The following HTR4 variants were observed in gnomAD, a reference collection of about 807,000 sequenced individuals.
The protein encoded by HTR4 is 5-hydroxytryptamine receptor 4.
A neutral mutation model predicts 36.8 loss-of-function variants in HTR4; 16 were observed. That is an observed-to-expected ratio of 0.43 (90% confidence interval 0.29 to 0.66). The LOEUF (loss-of-function observed/expected upper bound fraction) is 0.66, where lower values mean the gene tolerates loss of function less well. Ranked by LOEUF, HTR4 falls within the 30% of genes least tolerant of loss-of-function variation. The pLI is 0.13. For synonymous variants in HTR4, 189 were observed against 185.1 expected (o/e 1.02, Z -0.17); for missense variants, 438 against 490.9 (o/e 0.89, Z 1.02).
intron 6 of HTR4, among the ~76,000 whole-genome samples, chr5:148,498,383 G>A (rs1756780624): frequency 6.6e-6 from 1 of 151,946 alleles, no homozygotes; most frequent in Non-Finnish European, 1.5e-5. Context: ...AGGATCTCAG[G>A]GAAGATTTAA....
intron 5 of HTR4, among the ~76,000 whole-genome samples, chr5:148,453,975 G>C (rs1378623643): frequency 5.3e-5 from 8 of 152,294 alleles, no homozygotes; most frequent in Middle Eastern, 3.4e-3. Context: ...GCCATTGTCT[G>C]ATGTATTTAA....
intron 2 of HTR4, among the ~76,000 whole-genome samples, chr5:148,615,279 C>A (rs1209357240): frequency 1.3e-5 from 2 of 151,980 alleles, no homozygotes; most frequent in African/African-American, 4.8e-5. Flanking sequence ...TGGAACCAAC[C>A]CAAATGTCCA....
intron 2 of HTR4, 45 bp from the exon 3 acceptor site, chr5:148,550,307 A>C: frequency 6.2e-7 from 1 of 1,607,338 alleles, no homozygotes; most frequent in African/African-American, 1.3e-5. Context: ...AAACTCTGGG[A>C]CACAAGAAGG....
At chr5:148,621,646 C>T (rs1012728056) in intron 2 of HTR4, among the ~76,000 whole-genome samples, 1 of 152,148 alleles carries the variant, frequency 6.6e-6, no homozygotes, top group Non-Finnish European at 1.5e-5. Context: ...TTTAGTTTAT[C>T]TTGCTTAAAA....
chr5:148,468,788 G>A (rs1324885082), intron 5 of HTR4, among the ~76,000 whole-genome samples: 1 of 152,242 alleles, frequency 6.6e-6, no homozygotes, highest in Non-Finnish European at 1.5e-5. Flanking sequence ...ATCCCCATGT[G>A]TCGTGGGAGG....
intron 1 of HTR4, chr5:148,644,605 G>A (rs1168256788): frequency 6.6e-6 from 1 of 152,042 alleles, no homozygotes; most frequent in African/African-American, 2.4e-5. Flanking sequence ...TAAGATGTGT[G>A]TTATTAAGAC....
At position 148,534,575 on chromosome 5, in the gene HTR4, C is replaced by T. The variant is rs141033992; in HGVS notation, c.354-11229G>A. Among the ~76,000 whole-genome samples, 793 of 152,240 alleles carry T rather than the reference C, an allele frequency of 5.2e-3. 2 individuals carry two copies. The highest frequency in any genetic ancestry group is 8.4e-3 in the Non-Finnish European group (571 of 68,014). ...TGCCACTGCTTCTGCAGTGGAACTGCCCTTGCTACCCTTGGACTAATGAAG... is the reference window on the plus strand; with the variant it reads ...TGCCACTGCTTCTGCAGTGGAACTGTCCTTGCTACCCTTGGACTAATGAAG... On this transcript the variant is annotated intron_variant, in intron 4 of 6. Transcript: ENST00000377888.
chr5:148,464,104 C>A lies in HTR4; in HGVS notation c.1077-12832G>T, dbSNP rs183950506. On this transcript the variant is annotated intron_variant, in intron 5 of 5. Transcript: ENST00000521530. ...GCAGAAAAATTAACTCAAAATGCAT[C>A]ATAGAGCTAAATATAAAATAAAAAC... Among the ~76,000 whole-genome samples the A allele has an allele frequency of 2.7e-5, 4 of 148,032 alleles. No individual in the cohort carries two copies. In the East Asian group the frequency reaches 7.9e-4, roughly 29 times the overall value.
At chr5:148,468,972 C>T (rs180700651) in intron 5 of HTR4, among the ~76,000 whole-genome samples, 122 of 152,130 alleles carry the variant, frequency 8.0e-4, no homozygotes, top group African/African-American at 2.5e-3. Context: ...CTTCCCGTTC[C>T]GCCGTGATTG....
At chr5:148,468,428 T>C (rs1164510315) in intron 5 of HTR4, among the ~76,000 whole-genome samples, 2 of 152,122 alleles carry the variant, frequency 1.3e-5, no homozygotes, top group Non-Finnish European at 2.9e-5. Context: ...AAATATTGAG[T>C]TATAAGACCT....
At chr5:148,588,740 C>T (rs77299061) in intron 2 of HTR4, among the ~76,000 whole-genome samples, 2 of 150,892 alleles carry the variant, frequency 1.3e-5, no homozygotes, top group East Asian at 1.9e-4. Context: ...CGGGGTTTCA[C>T]CTTGTTAGCC....
Position 148,654,173 on chromosome 5 carries a change from T to G in HTR4, c.-159A>C. ...TGCCGCTGCGCTCCCAGCCGCTGCC[T>G]GCGCCCTCCCTGCCGCCCCCTCGGG... On this transcript the variant is annotated 5_prime_UTR_variant, in exon 1 of 7. Coordinates refer to ENST00000377888, the MANE Select transcript of HTR4 (RefSeq NM_000870.7). 1 of 985,566 alleles carries G rather than the reference T, an allele frequency of 1.0e-6. No homozygotes were observed. The highest frequency in any genetic ancestry group is 1.2e-6 in the Non-Finnish European group (1 of 830,008). The allele number at this position is 985,566 out of a possible 1,614,324, so 61.1% of individuals were successfully genotyped here.
At chr5:148,575,975 C>T (rs1375889055) in intron 2 of HTR4, among the ~76,000 whole-genome samples, 1 of 151,712 alleles carries the variant, frequency 6.6e-6, no homozygotes, top group Non-Finnish European at 1.5e-5. Flanking sequence ...GATTCTATAT[C>T]TAGAAAACCC....
intron 5 of HTR4, among the ~76,000 whole-genome samples, chr5:148,452,761 G>A (rs1010020747): frequency 4.6e-5 from 7 of 152,176 alleles, no homozygotes; most frequent in African/African-American, 1.7e-4. Flanking sequence ...CAGAACCAAA[G>A]CATCTGCTAC....
At chr5:148,575,887 A>G (rs536859498) in intron 2 of HTR4, among the ~76,000 whole-genome samples, 1 of 151,988 alleles carries the variant, frequency 6.6e-6, no homozygotes, top group African/African-American at 2.4e-5. Context: ...TAGCCAGAGC[A>G]ATCAGGCAAG....
chr5:148,548,701 G>A lies in HTR4; in HGVS notation c.320C>T (p.Ser107Leu), dbSNP rs779822851. 2.5e-6 allele frequency: 4 copies of A among 1,609,568 alleles called. No homozygotes were observed. The highest frequency in any genetic ancestry group is 1.1e-5 in the South Asian group (1 of 90,396). Residue 107 changes from serine to leucine, a missense_variant, in exon 4 of 7, where the codon TCG (serine) becomes TTG (leucine). Coordinates refer to ENST00000377888, the MANE Select transcript of HTR4 (RefSeq NM_000870.7). ...TSLDVLLTTA[S>L]IFHLCCISLD... ...AGAAATGCAGCACAGGTGAAAAATC[G>A]ATGCCGTTGTGAGCAGGACGTCCAG... is the stretch of plus-strand genomic sequence containing the variant.
chr5:148,467,646 C>G (rs559716558), intron 5 of HTR4, among the ~76,000 whole-genome samples: 80 of 152,254 alleles, frequency 5.3e-4, no homozygotes, highest in African/African-American at 1.9e-3. Context: ...TTTAGATTTT[C>G]AGAAACTGTA....
chr5:148,474,266 A>C (rs1755641213), downstream of HTR4, among the ~76,000 whole-genome samples: 1 of 151,744 alleles, frequency 6.6e-6, no homozygotes, highest in Admixed American at 6.6e-5. Context: ...CGACCTTCCC[A>C]GCGGCAAGTT....
intron 5 of HTR4, among the ~76,000 whole-genome samples, chr5:148,468,878 A>C (rs1755499049): frequency 6.6e-6 from 1 of 152,060 alleles, no homozygotes; most frequent in African/African-American, 2.4e-5. Context: ...AGTTCTCATG[A>C]GATCTGATAG....
Sources: allele counts gnomAD v4.1 joint callset (sites outside exome capture counted in the v4.1 genomes callset), GRCh38; gene constraint gnomAD v4.1.1; transcripts MANE v1.5; gene names NCBI Gene and HGNC (gene_info 2026-07-23, HGNC 2026-07-21).